Variants in HPSE2 observed in about 807,000 individuals in gnomAD.
HPSE2 encodes the protein heparanase 2 (inactive), also known as inactive heparanase-2.
HPSE2 carries 38 observed loss-of-function variants against 60.5 expected under a neutral mutation model. The observed-to-expected ratio is 0.63, with a 90% CI of 0.48 to 0.82. HPSE2 has a LOEUF of 0.82. Among genes scored for constraint, HPSE2 ranks in the 40% least tolerant of loss-of-function variants. HPSE2 has a pLI of 0.00. For missense variants in HPSE2, 713 were observed against 740.4 expected, an observed-to-expected ratio of 0.96 and a Z score of 0.43; for synonymous variants, 295 against 293.2, an observed-to-expected ratio of 1.01 and a Z score of -0.06.
chr10:98,548,481 G>C (rs1943761324), intron 9 of HPSE2, among the ~76,000 whole-genome samples: 1 of 152,160 alleles, frequency 6.6e-6, no homozygotes, highest in South Asian at 2.1e-4. Flanking sequence ...GCTGGGCGTA[G>C]TGGTGTGCAC....
the HPSE2 span, among the ~76,000 whole-genome samples, chr10:99,268,602 G>A: frequency 6.8e-6 from 1 of 147,582 alleles, no homozygotes; most frequent in Non-Finnish European, 1.5e-5. Flanking sequence ...GCCGAGATCG[G>A]GCCTCTGCAC....
intron 3 of HPSE2, among the ~76,000 whole-genome samples, chr10:98,813,553 T>A (rs1951215943): frequency 6.6e-6 from 1 of 152,078 alleles, no homozygotes; most frequent in African/African-American, 2.4e-5. Context: ...TAGAACCAGA[T>A]CAATTAAAGG....
chr10:99,243,129 G>A, the HPSE2 span, among the ~76,000 whole-genome samples: 9 of 152,020 alleles, frequency 5.9e-5, no homozygotes, highest in East Asian at 1.9e-4. Flanking sequence ...TGAGGCAGGC[G>A]GATCACGAGG....
At chr10:99,232,247 A>G in intron 2 of HPSE2, 101 bp downstream of exon 2, 5 of 1,368,578 alleles carry the variant, frequency 3.7e-6, no homozygotes, top group African/African-American at 1.5e-5. Context: ...ACACACACAC[A>G]CACACACACG....
chr10:98,926,941 G>C (rs1364674736), intron 3 of HPSE2, among the ~76,000 whole-genome samples: 1 of 152,154 alleles, frequency 6.6e-6, no homozygotes, highest in African/African-American at 2.4e-5. Flanking sequence ...TCTTAATCCT[G>C]AGTTCTAGTT....
intron 3 of HPSE2, among the ~76,000 whole-genome samples, chr10:98,794,822 A>C (rs761601918): frequency 1.2e-4 from 19 of 152,130 alleles, no homozygotes; most frequent in Admixed American, 4.6e-4. Flanking sequence ...CTAGGAGGAG[A>C]TCAATGTATG....
intron 6 of HPSE2, among the ~76,000 whole-genome samples, chr10:98,688,252 T>A (rs1184906776): frequency 6.6e-6 from 1 of 152,026 alleles, no homozygotes; most frequent in Non-Finnish European, 1.5e-5. Flanking sequence ...GTGGTATTAT[T>A]GCCATGTATT....
At chr10:98,461,417 TC>T (rs1940283574) in intron 11 of HPSE2, among the ~76,000 whole-genome samples, 2 of 152,098 alleles carry the variant, frequency 1.3e-5, no homozygotes, top group Admixed American at 6.5e-5. Context: ...AGAATTGAGA[TC>T]TGAAGGTCAG....
intron 6 of HPSE2, among the ~76,000 whole-genome samples, chr10:98,669,764 A>T (rs937484224): frequency 1.3e-5 from 2 of 152,066 alleles, no homozygotes; most frequent in African/African-American, 4.8e-5. Context: ...GGGATGAAAA[A>T]CCATCTGTTG....
At chr10:98,803,851 C>A (rs1016008796) in intron 3 of HPSE2, among the ~76,000 whole-genome samples, 38 of 151,866 alleles carry the variant, frequency 2.5e-4, no homozygotes, top group Admixed American at 1.5e-3. Context: ...TTTTCCAATT[C>A]TGTGAAGAAA....
In HPSE2 at chr10:99,011,036, T is replaced by C. The variant is rs181531745; in HGVS notation, c.610+133202A>G. 5.2e-3 allele frequency among the ~76,000 whole-genome samples: 789 copies of C among 152,108 alleles called. 4 individuals carry two copies. Among genetic ancestry groups the C allele is most frequent in the African/African-American group, 0.018 (751 of 41,524 alleles). On this transcript the variant is annotated intron_variant, in intron 3 of 11. Coordinates refer to ENST00000370552, the MANE Select transcript of HPSE2 (RefSeq NM_021828.5). ...CCTTCAACCCCTCTGTAGGCCCCAA[T>C]GTGTGTTGTGTTCCTCTCTATGTGT...
the HPSE2 span, among the ~76,000 whole-genome samples, chr10:99,279,924 T>C: frequency 6.6e-6 from 1 of 152,192 alleles, no homozygotes; most frequent in Non-Finnish European, 1.5e-5. Context: ...GGCACATATT[T>C]TTAAGTTGAT....
intron 7 of HPSE2, among the ~76,000 whole-genome samples, chr10:98,637,420 TAACTATAAC>T (rs1448246309): frequency 6.6e-6 from 1 of 152,126 alleles, no homozygotes; most frequent in Admixed American, 6.5e-5. Context: ...ATAGCTATAA[TAACTATAAC>T]AACAATAATA....
intron 4 of HPSE2, among the ~76,000 whole-genome samples, chr10:98,740,488 T>C (rs1488469056): frequency 6.6e-6 from 1 of 152,124 alleles, no homozygotes; most frequent in Non-Finnish European, 1.5e-5. Flanking sequence ...AAGTCATTCT[T>C]TCATATTCTT....
At chr10:98,875,828 T>G (rs1254688697) in intron 3 of HPSE2, among the ~76,000 whole-genome samples, 1 of 152,008 alleles carries the variant, frequency 6.6e-6, no homozygotes, top group African/African-American at 2.4e-5. Flanking sequence ...TCTCAAAAAC[T>G]TCACCAAGCA....
In HPSE2 at chr10:98,762,625, T is replaced by C. The variant is rs188673337; in HGVS notation, c.611-18569A>G. Among the ~76,000 whole-genome samples, 1,123 of 150,254 alleles carry C rather than the reference T, an allele frequency of 7.5e-3. 19 individuals are homozygous for C. The highest frequency in any genetic ancestry group is 0.026 in the African/African-American group (1,041 of 39,654). On this transcript the variant is annotated intron_variant, in intron 3 of 11. Coordinates refer to ENST00000370552, the MANE Select transcript of HPSE2 (RefSeq NM_021828.5). The stretch of plus-strand genomic sequence containing the variant: ...GTACATGTACTGGGTAGACTCAAAC[T>C]TTAATAACAGAACTGACATTGAAAC...
At chr10:98,693,416 T>C (rs1415600143) in intron 6 of HPSE2, among the ~76,000 whole-genome samples, 1 of 152,254 alleles carries the variant, frequency 6.6e-6, no homozygotes, top group African/African-American at 2.4e-5. Flanking sequence ...CTGCTTCATC[T>C]TGATACTCTT....
At chr10:98,791,258 G>C (rs1427297541) in intron 3 of HPSE2, among the ~76,000 whole-genome samples, 1 of 152,080 alleles carries the variant, frequency 6.6e-6, no homozygotes, top group Non-Finnish European at 1.5e-5. Flanking sequence ...ACTTGGAGGA[G>C]GGAGCAAATG....
At position 99,045,445 on chromosome 10, in the gene HPSE2, C is replaced by A. The variant is rs1396731597; in HGVS notation, c.610+98793G>T. 2.0e-5 allele frequency among the ~76,000 whole-genome samples: 3 copies of A among 151,946 alleles called. No homozygotes were observed. In the East Asian group the frequency reaches 5.8e-4, roughly 29 times the overall value. ...CTAAAGGAACTAGAAGAAAAAAGAA[C>A]AAACCAACCCTAAAGCTAGCAGTTC... On this transcript the variant is annotated intron_variant, in intron 3 of 11. Transcript: ENST00000370552.
Sources: allele counts gnomAD v4.1 joint callset (sites outside exome capture counted in the v4.1 genomes callset), GRCh38; gene constraint gnomAD v4.1.1; transcripts MANE v1.5; gene names NCBI Gene and HGNC (gene_info 2026-07-23, HGNC 2026-07-21).